PTK2: variants seen among roughly 807,000 people sequenced by gnomAD.
The protein encoded by PTK2 is protein tyrosine kinase 2.
A neutral mutation model predicts 150.1 loss-of-function variants in PTK2; 45 were observed. The ratio of observed to expected loss-of-function variants is 0.30; its 90% CI spans 0.24 to 0.38. The LOEUF is 0.38. Among genes scored for constraint, PTK2 ranks in the 10% least tolerant of loss-of-function variants. PTK2 has a pLI of 1.00. For missense variants in PTK2, 919 were observed against 1,307.3 expected, an observed-to-expected ratio of 0.70 and a Z score of 4.58; for synonymous variants, 432 against 449.2, an observed-to-expected ratio of 0.96 and a Z score of 0.48.
At chr8:140,885,561 G>A (rs925450845) in intron 3 of PTK2, among the ~76,000 whole-genome samples, 7 of 152,190 alleles carry the variant, frequency 4.6e-5, no homozygotes, top group African/African-American at 1.7e-4. Context: ...GCAATGGTGA[G>A]GCATAAGGGA....
chr8:140,735,084 C>G, intron 22 of PTK2, 167 bp downstream of exon 25: 1 of 655,574 alleles, frequency 1.5e-6, no homozygotes, highest in Non-Finnish European at 2.6e-6. Context: ...AAGACTCTAG[C>G]AAGGTACAAA....
At chr8:140,992,290 T>TC (rs1232380282) in intron 1 of PTK2, among the ~76,000 whole-genome samples, 1 of 94,766 alleles carries the variant, frequency 1.1e-5, no homozygotes, top group Non-Finnish European at 2.5e-5. Flanking sequence ...AGACTTCATC[T>TC]CGGAAAAAAA....
chr8:140,962,570 G>T (rs55646309), intron 1 of PTK2, among the ~76,000 whole-genome samples: 3,664 of 152,160 alleles, frequency 0.024, 158 homozygotes, highest in African/African-American at 0.085. Context: ...AGGCCGAGGC[G>T]TGTAGATCAT....
chr8:140,875,826 G>C (rs780468350), intron 4 of PTK2, among the ~76,000 whole-genome samples: 1 of 152,092 alleles, frequency 6.6e-6, no homozygotes, highest in Non-Finnish European at 1.5e-5. Context: ...ACTAGAAAGA[G>C]AAGAAAACAG....
intron 10 of PTK2, among the ~76,000 whole-genome samples, chr8:140,813,216 T>C (rs990713875): frequency 6.6e-6 from 1 of 152,124 alleles, no homozygotes; most frequent in Non-Finnish European, 1.5e-5. Context: ...TTAGAAATCA[T>C]GACTAAGAAA....
chr8:140,818,954 T>C, exon 9 of PTK2: 1 of 1,613,666 alleles, frequency 6.2e-7, no homozygotes, highest in Non-Finnish European at 8.5e-7. Context: ...TTCAGAATAC[T>C]TTCTTCTCTA....
At chr8:140,699,536 A>C (rs2100028943) in intron 26 of PTK2, among the ~76,000 whole-genome samples, 1 of 152,238 alleles carries the variant, frequency 6.6e-6, no homozygotes, top group Non-Finnish European at 1.5e-5. Context: ...TTTCCCATGC[A>C]TATGTCCAGA....
chr8:140,954,510 G>A (rs566877841), intron 1 of PTK2, among the ~76,000 whole-genome samples: 2 of 152,274 alleles, frequency 1.3e-5, no homozygotes, highest in East Asian at 1.9e-4. Context: ...GTACCAGACA[G>A]TATTCTAAGC....
chr8:140,858,625 T>C (rs527635907), intron 5 of PTK2, among the ~76,000 whole-genome samples: 77 of 151,896 alleles, frequency 5.1e-4, no homozygotes, highest in African/African-American at 1.8e-3. Flanking sequence ...ACCATCAAAA[T>C]ACTGACAGAA....
chr8:140,931,483 T>C (rs1211542061), intron 1 of PTK2, among the ~76,000 whole-genome samples: 1 of 152,096 alleles, frequency 6.6e-6, no homozygotes, highest in Non-Finnish European at 1.5e-5. Context: ...GAGGATTGCT[T>C]GAGACGGAGG....
rs958305768 is a variant in PTK2 at position 140,830,090 on chromosome 8, C to T, written c.648+382G>A. Among the ~76,000 whole-genome samples, 8 of 82,104 alleles carry T rather than the reference C, an allele frequency of 9.7e-5. No individual in the cohort carries two copies. The Admixed American group carries it at 1.3e-3, about 13-fold the overall frequency. 53.9% of individuals were successfully genotyped at this position (82,104 alleles called of 152,430 possible). On this transcript the variant is annotated intron_variant, in intron 8 of 31. Transcript: ENST00000522684. Reference sequence around the variant, plus strand: ...TAACATGCACGCACACACATACACACACACACACACACACACACACAATAT... The same window carrying T: ...TAACATGCACGCACACACATACACATACACACACACACACACACACAATAT...
intron 7 of PTK2, among the ~76,000 whole-genome samples, chr8:140,844,396 G>A (rs2100124105): frequency 6.6e-6 from 1 of 151,908 alleles, no homozygotes; most frequent in South Asian, 2.1e-4. Context: ...TAAATTATTT[G>A]GAATTTTTCT....
At chr8:140,988,036 C>T (rs950322415) in intron 1 of PTK2, among the ~76,000 whole-genome samples, 4 of 138,852 alleles carry the variant, frequency 2.9e-5, no homozygotes, top group African/African-American at 2.6e-5. Flanking sequence ...CAGAGTGAGA[C>T]CCTGTCTCAA....
intron 10 of PTK2, among the ~76,000 whole-genome samples, chr8:140,814,286 CCTCT>C (rs1201302746): frequency 6.6e-6 from 1 of 152,214 alleles, no homozygotes; most frequent in Non-Finnish European, 1.5e-5. Flanking sequence ...AGGAGGGACT[CCTCT>C]CTAACTCATT....
intron 1 of PTK2, among the ~76,000 whole-genome samples, chr8:140,993,667 AG>A (rs1424705992): frequency 2.9e-4 from 44 of 152,354 alleles, no homozygotes; most frequent in African/African-American, 1.0e-3. Flanking sequence ...CCCAAAATGC[AG>A]GAATTTTAAT....
chr8:140,981,499 A>C lies in PTK2; in HGVS notation c.-122+19626T>G, dbSNP rs555859643. 3.9e-5 allele frequency among the ~76,000 whole-genome samples: 6 copies of C among 152,304 alleles called. No individual in the cohort carries two copies. In the South Asian group the frequency reaches 1.2e-3, roughly 32 times the overall value. The stretch of plus-strand genomic sequence containing the variant: ...TGTTGAAGCTGGGCAGGAGGTACCT[A>C]GGAGTTTGCTTTGTTATCACCCTCT... On this transcript the variant is annotated intron_variant, in intron 1 of 31. Transcript: ENST00000522684.
intron 1 of PTK2, among the ~76,000 whole-genome samples, chr8:140,976,813 T>G (rs530909933): frequency 8.1e-4 from 124 of 152,346 alleles, no homozygotes; most frequent in African/African-American, 2.8e-3. Flanking sequence ...GGAGTTTAAG[T>G]GGCTAGGTAC....
At chr8:140,744,054 G>A (rs1005645350) in intron 19 of PTK2, among the ~76,000 whole-genome samples, 2 of 80,386 alleles carry the variant, frequency 2.5e-5, no homozygotes, top group African/African-American at 1.7e-4. Flanking sequence ...TGGGACTACA[G>A]CTATGAGCCA....
chr8:140,939,443 T>C (rs906251125), intron 1 of PTK2, among the ~76,000 whole-genome samples: 1 of 152,174 alleles, frequency 6.6e-6, no homozygotes, highest in Admixed American at 6.5e-5. Flanking sequence ...CTGCCCCTAG[T>C]CCATCAAAAG....
Sources: gnomAD v4.1 joint callset for allele counts (sites outside exome capture counted in the v4.1 genomes callset) on GRCh38, gnomAD v4.1.1 for gene constraint, MANE v1.5 for transcripts, NCBI Gene and HGNC (gene_info 2026-07-23, HGNC 2026-07-21) for gene names.